The following TSPAN5 variants were observed in gnomAD, a reference collection of about 807,000 sequenced individuals.
TSPAN5 encodes tetraspanin 5.
A neutral mutation model predicts 37.1 loss-of-function variants in TSPAN5; 10 were observed. The observed-to-expected ratio is 0.27, with a 90% confidence interval of 0.17 to 0.46. TSPAN5 has a LOEUF of 0.46. Ranked by LOEUF, TSPAN5 falls within the 20% of genes least tolerant of loss-of-function variation. The pLI is 1.00. For synonymous variants in TSPAN5, 110 were observed against 118.9 expected (o/e 0.93, Z 0.48); for missense variants, 195 against 326.6 (o/e 0.60, Z 3.11).
At chr4:98,590,249 G>C (rs1383024633) in intron 1 of TSPAN5, among the ~76,000 whole-genome samples, 1 of 152,160 alleles carries the variant, frequency 6.6e-6, no homozygotes, top group Non-Finnish European at 1.5e-5. Flanking sequence ...ATAGGGACCT[G>C]AGCCAGGAAG....
At chr4:98,517,391 C>A (rs1410283276) in intron 1 of TSPAN5, among the ~76,000 whole-genome samples, 1 of 152,070 alleles carries the variant, frequency 6.6e-6, no homozygotes, top group African/African-American at 2.4e-5. Flanking sequence ...AAAAACACCA[C>A]ATAGCAGAGC....
chr4:98,580,734 A>G (rs883619), intron 1 of TSPAN5, among the ~76,000 whole-genome samples: 119,782 of 152,202 alleles, frequency 0.79, 47,868 homozygotes, highest in African/African-American at 0.93. Flanking sequence ...TAGCATGAAA[A>G]CCTGTTTTTT....
At chr4:98,510,765 G>A (rs536163987) in intron 1 of TSPAN5, among the ~76,000 whole-genome samples, 1 of 152,282 alleles carries the variant, frequency 6.6e-6, no homozygotes, top group African/African-American at 2.4e-5. Context: ...ACAATTTGAA[G>A]TTAAGGGAAA....
intron 2 of TSPAN5, among the ~76,000 whole-genome samples, chr4:98,493,324 C>T (rs1304404569): frequency 6.6e-6 from 1 of 152,204 alleles, no homozygotes; most frequent in Admixed American, 6.5e-5. Flanking sequence ...CTGAATCCTA[C>T]AAGCATAGCA....
chr4:98,550,713 CTATATGTTAA>C (rs1183765200), intron 1 of TSPAN5, among the ~76,000 whole-genome samples: 2 of 150,976 alleles, frequency 1.3e-5, no homozygotes, highest in Admixed American at 1.3e-4. Context: ...CTACTGATTT[CTATATGTTAA>C]TTTAGTATCC....
chr4:98,565,507 C>A (rs184495618), intron 1 of TSPAN5, among the ~76,000 whole-genome samples: 101 of 152,294 alleles, frequency 6.6e-4, no homozygotes, highest in African/African-American at 2.3e-3. Context: ...TTCCCATATA[C>A]AAATTTCCTA....
intron 1 of TSPAN5, among the ~76,000 whole-genome samples, chr4:98,587,295 C>T (rs1755513516): frequency 6.6e-6 from 1 of 152,196 alleles, no homozygotes; most frequent in African/African-American, 2.4e-5. Context: ...CAGGCTGAGG[C>T]TTCCACAGCT....
intron 1 of TSPAN5, among the ~76,000 whole-genome samples, chr4:98,612,348 C>G (rs1465176812): frequency 6.6e-6 from 1 of 152,094 alleles, no homozygotes; most frequent in Non-Finnish European, 1.5e-5. Flanking sequence ...AAGCAGCAGA[C>G]AGGATGCAGG....
chr4:98,606,345 A>G (rs1481754559), intron 1 of TSPAN5, among the ~76,000 whole-genome samples: 1 of 152,266 alleles, frequency 6.6e-6, no homozygotes, highest in Non-Finnish European at 1.5e-5. Context: ...AAAACAGGAC[A>G]AACACAAAAC....
At chr4:98,641,767 C>T (rs914264292) in intron 1 of TSPAN5, among the ~76,000 whole-genome samples, 1 of 152,122 alleles carries the variant, frequency 6.6e-6, no homozygotes, top group Non-Finnish European at 1.5e-5. Flanking sequence ...GGGTAAAATC[C>T]ACCAGGACTC....
intron 1 of TSPAN5, among the ~76,000 whole-genome samples, chr4:98,564,267 C>T (rs184516334): frequency 1.3e-5 from 2 of 152,312 alleles, no homozygotes; most frequent in Admixed American, 6.5e-5. Flanking sequence ...GCATTTCTAT[C>T]AAATTCTTAC....
At chr4:98,624,909 AG>A (rs1756561176) in intron 1 of TSPAN5, among the ~76,000 whole-genome samples, 1 of 152,246 alleles carries the variant, frequency 6.6e-6, no homozygotes, top group African/African-American at 2.4e-5. Context: ...TTAAGACTTT[AG>A]ATTCCTCCTA....
intron 1 of TSPAN5, among the ~76,000 whole-genome samples, chr4:98,509,601 A>G (rs1472977335): frequency 6.6e-6 from 1 of 152,152 alleles, no homozygotes; most frequent in Non-Finnish European, 1.5e-5. Context: ...CCTTGCTCTT[A>G]TAGGGGACTC....
chr4:98,582,053 G>A (rs575675658), intron 1 of TSPAN5, among the ~76,000 whole-genome samples: 2 of 152,294 alleles, frequency 1.3e-5, no homozygotes, highest in South Asian at 2.1e-4. Flanking sequence ...TCTCTTGTGG[G>A]ACATGGGCTG....
intron 1 of TSPAN5, among the ~76,000 whole-genome samples, chr4:98,535,574 G>A (rs1201301171): frequency 6.6e-6 from 1 of 152,050 alleles, no homozygotes; most frequent in Non-Finnish European, 1.5e-5. Flanking sequence ...TTTGAATGTT[G>A]GTCTGTCTTG....
intron 1 of TSPAN5, among the ~76,000 whole-genome samples, chr4:98,630,280 T>C (rs554808654): frequency 6.6e-6 from 1 of 152,332 alleles, no homozygotes; most frequent in South Asian, 2.1e-4. Flanking sequence ...GTTCCAGCCA[T>C]GAGGCCTGAT....
At chr4:98,495,095 T>C (rs1753171344) in intron 2 of TSPAN5, among the ~76,000 whole-genome samples, 1 of 152,184 alleles carries the variant, frequency 6.6e-6, no homozygotes, top group South Asian at 2.1e-4. Context: ...GATACCTCTG[T>C]TGCTGGGGTG....
chr4:98,525,608 GCT>G (rs1753943613), intron 1 of TSPAN5, among the ~76,000 whole-genome samples: 1 of 152,076 alleles, frequency 6.6e-6, no homozygotes, highest in African/African-American at 2.4e-5. Context: ...ACAGAGTCTT[GCT>G]CTGTCCCCCA....
chr4:98,648,293 G>A (rs1430259048), intron 1 of TSPAN5, among the ~76,000 whole-genome samples: 1 of 152,180 alleles, frequency 6.6e-6, no homozygotes, highest in East Asian at 1.9e-4. Flanking sequence ...GGAGGCCAAC[G>A]AGAAAGCCCC....
Sources: allele counts gnomAD v4.1 joint callset (sites outside exome capture counted in the v4.1 genomes callset), GRCh38; gene constraint gnomAD v4.1.1; transcripts MANE v1.5; gene names NCBI Gene and HGNC (gene_info 2026-07-23, HGNC 2026-07-21).